Variants in LEF1 observed in about 807,000 individuals in gnomAD.
LEF1 encodes the protein lymphoid enhancer-binding factor 1.
Under a neutral mutation model 51.2 loss-of-function variants are expected in LEF1, and 14 were observed. That is an observed-to-expected ratio of 0.27 (90% confidence interval 0.18 to 0.43). LEF1 has a LOEUF of 0.43. Among genes scored for constraint, LEF1 ranks in the 20% least tolerant of loss-of-function variants. The pLI, the probability that LEF1 is intolerant of heterozygous loss-of-function variation, is 1.00. For missense variants in LEF1, 386 were observed against 512.0 expected, an observed-to-expected ratio of 0.75 and a Z score of 2.37; for synonymous variants, 185 against 183.2, an observed-to-expected ratio of 1.01 and a Z score of -0.08.
chr4:108,090,133 C>A (rs114033086), intron 3 of LEF1, among the ~76,000 whole-genome samples: 1 of 152,006 alleles, frequency 6.6e-6, no homozygotes, highest in Admixed American at 6.6e-5. Context: ...CCCGCCACCA[C>A]ATTCAGCTAA....
At chr4:108,112,775 G>A (rs1370678146) in intron 3 of LEF1, among the ~76,000 whole-genome samples, 3 of 152,326 alleles carry the variant, frequency 2.0e-5, no homozygotes, top group Non-Finnish European at 4.4e-5. Flanking sequence ...AGTGGGATTA[G>A]TACAAATAGT....
intron 3 of LEF1, among the ~76,000 whole-genome samples, chr4:108,101,817 T>A (rs947733766): frequency 6.6e-6 from 1 of 152,066 alleles, no homozygotes; most frequent in African/African-American, 2.4e-5. Flanking sequence ...AAGAACTGCA[T>A]ATGGAAGCCG....
intron 8 of LEF1, among the ~76,000 whole-genome samples, chr4:108,073,555 A>C (rs1738635970): frequency 6.6e-6 from 1 of 152,194 alleles, no homozygotes; most frequent in African/African-American, 2.4e-5. Context: ...TCATTCCCCT[A>C]TATACAACAC....
chr4:108,078,441 G>C (rs1739064326), intron 7 of LEF1, 59 bp from the exon 8 acceptor site: 1 of 1,609,290 alleles, frequency 6.2e-7, no homozygotes, highest in Admixed American at 1.7e-5. Flanking sequence ...GGAAGGGATG[G>C]GGGAGGAGAA....
chr4:108,073,317 G>T, intron 8 of LEF1, among the ~76,000 whole-genome samples: 1 of 152,110 alleles, frequency 6.6e-6, no homozygotes, highest in East Asian at 1.9e-4. Context: ...CCCAGGAGGT[G>T]GAGGTTGCAG....
Position 108,061,287 on chromosome 4 carries a change from A to T in LEF1, c.*6+2336T>A, listed in dbSNP as rs368223114. On this transcript the variant is annotated intron_variant, in intron 11 of 11. Coordinates refer to ENST00000265165, the MANE Select transcript of LEF1 (RefSeq NM_016269.5). ...AGGATAGAGAGAACATCTTAACCTT[A>T]AGAAAATATAAATAAGTGACAAGAA... Among the ~76,000 whole-genome samples the T allele has an allele frequency of 5.9e-5, 9 of 152,150 alleles. No homozygotes were observed. In the East Asian group the frequency reaches 1.5e-3, roughly 26 times the overall value.
At chr4:108,121,763 C>G (rs1205878169) in intron 3 of LEF1, among the ~76,000 whole-genome samples, 2 of 152,188 alleles carry the variant, frequency 1.3e-5, no homozygotes, top group African/African-American at 2.4e-5. Context: ...TCTCTTTGAT[C>G]CACCACATTT....
rs1009702389 is a variant in LEF1, at chr4:108,118,749, G to C, written c.415-29492C>G. On this transcript the variant is annotated intron_variant, in intron 3 of 11. Transcript: ENST00000265165. ...AGGAGATGGCCACTGCAGCCTGCTC[G>C]AGTAGGTAAAATGTACTGAACCTGT... Among the ~76,000 whole-genome samples the C allele has an allele frequency of 3.9e-5, 6 of 152,202 alleles. 1 individual carries two copies. The highest frequency in any genetic ancestry group is 2.1e-4 in the South Asian group (1 of 4,822).
intron 11 of LEF1, among the ~76,000 whole-genome samples, chr4:108,050,524 G>A (rs569356332): frequency 4.6e-5 from 7 of 152,262 alleles, no homozygotes; most frequent in East Asian, 3.9e-4. Flanking sequence ...GCCTTTCTAC[G>A]GAGAAAGAAA....
rs760702658 is a variant in LEF1 at position 108,070,685 on chromosome 4, C to G, written c.1094G>C (p.Gly365Ala). Residue 365 changes from glycine (G) to alanine (A), a missense_variant, in exon 9 of 12, where the codon GGC (glycine) becomes GCC (alanine). Physicochemically the swap from Gly to Ala is moderately conservative, Grantham distance 60. Around this residue, in one of 2 missense-constraint regions of LEF1, gnomAD observed 51 missense variants for 121.3 expected, o/e 0.42. Coordinates refer to ENST00000265165, the MANE Select transcript of LEF1 (RefSeq NM_016269.5). ...TACATAATTGTCTCTTGCAGACCAG[C>G]CTGGATAAAGCTGCATATGTAGCTG... ...ERQLHMQLYP[G>A]WSARDNYGKK... 4 of 1,613,430 alleles carry G rather than the reference C, an allele frequency of 2.5e-6. No individual in the cohort carries two copies. Among genetic ancestry groups the G allele is most frequent in the Non-Finnish European group, 3.4e-6 (4 of 1,179,506 alleles).
chr4:108,092,000 G>A (rs972711855), intron 3 of LEF1, among the ~76,000 whole-genome samples: 2 of 152,132 alleles, frequency 1.3e-5, no homozygotes, highest in African/African-American at 2.4e-5. Flanking sequence ...GAAATCTTCT[G>A]GATATATTCT....
Position 108,067,906 on chromosome 4 carries a change from A to C in LEF1, c.1116+2757T>G, listed in dbSNP as rs529062516. Among the ~76,000 whole-genome samples the C allele has an allele frequency of 6.6e-5, 10 of 152,146 alleles. No homozygotes were observed. The South Asian group carries it at 1.9e-3, about 28-fold the overall frequency. On this transcript the variant is annotated intron_variant, in intron 9 of 11. Transcript: ENST00000265165. ...GGCATGGCAGGAGCTCTATATAGAG[A>C]TGGTAATTGCTGCTCAGAAAACAGA... is the stretch of plus-strand genomic sequence containing the variant.
rs1739145473 is a variant in LEF1 at position 108,079,518 on chromosome 4, G to A, written c.819C>T (p.Pro273=). 5.0e-6 allele frequency: 8 copies of A among 1,614,096 alleles called. No homozygotes were observed. The highest frequency in any genetic ancestry group is 3.3e-4 in the Middle Eastern group (2 of 6,062). ...CGTGCATTAGGTCACTGTCAGTGTG[G>A]GGATGTTCCTGTTTGACCTGAGGTG... is the stretch of plus-strand genomic sequence containing the variant. ...IVTPQVKQEH[P]HTDSDLMHVK... is the part of the protein sequence containing the mutation. The change falls in exon 7 of 12, where the codon CCC becomes CCT. Residue 273 remains proline, a synonymous_variant. Coordinates refer to ENST00000265165, the MANE Select transcript of LEF1 (RefSeq NM_016269.5).
At chr4:108,111,156 G>A (rs188559642) in intron 3 of LEF1, among the ~76,000 whole-genome samples, 16 of 152,320 alleles carry the variant, frequency 1.1e-4, no homozygotes, top group Non-Finnish European at 2.2e-4. Flanking sequence ...TCATGTTAAT[G>A]ATGCAAACAG....
At chr4:108,095,884 T>A (rs1017306307) in intron 3 of LEF1, among the ~76,000 whole-genome samples, 3 of 152,154 alleles carry the variant, frequency 2.0e-5, no homozygotes, top group African/African-American at 7.2e-5. Flanking sequence ...GGGTTAAGGT[T>A]AGAGGCTGAG....
At chr4:108,082,325 C>T (rs1012392513) in intron 5 of LEF1, among the ~76,000 whole-genome samples, 3 of 152,096 alleles carry the variant, frequency 2.0e-5, no homozygotes, top group Non-Finnish European at 4.4e-5. Flanking sequence ...CCCTAAGTCA[C>T]TAAGTTCAGA....
chr4:108,126,878 TG>T, intron 3 of LEF1, among the ~76,000 whole-genome samples: 1 of 150,510 alleles, frequency 6.6e-6, no homozygotes, highest in Middle Eastern at 3.2e-3. Context: ...TATGTGTGTG[TG>T]TGTGTGTGTG....
At chr4:108,166,878 G>A (rs1745433319) in intron 1 of LEF1, 1 of 933,282 alleles carries the variant, frequency 1.1e-6, no homozygotes, top group Non-Finnish European at 1.3e-6. Flanking sequence ...CCCTTGCGGT[G>A]GGTCGGCTCG....
At chr4:108,099,913 A>G (rs1419425059) in intron 3 of LEF1, among the ~76,000 whole-genome samples, 1 of 152,030 alleles carries the variant, frequency 6.6e-6, no homozygotes, top group Non-Finnish European at 1.5e-5. Context: ...TTGCCAGTCA[A>G]CTCAGATAAC....
Sources: allele counts gnomAD v4.1 joint callset (sites outside exome capture counted in the v4.1 genomes callset), GRCh38; gene constraint gnomAD v4.1.1; regional missense constraint gnomAD v4.1.1; transcripts MANE v1.5; gene names NCBI Gene and HGNC (gene_info 2026-07-23, HGNC 2026-07-21).